The following PRPF38B variants were observed in gnomAD, a reference collection of about 807,000 sequenced individuals.
The protein encoded by PRPF38B is pre-mRNA-splicing factor 38B.
PRPF38B carries 18 observed loss-of-function variants against 67.2 expected under a neutral mutation model. The observed-to-expected ratio is 0.27, with a 90% CI of 0.19 to 0.40. The LOEUF is 0.40. Among genes scored for constraint, PRPF38B ranks in the 10% least tolerant of loss-of-function variants. The pLI is 1.00. For missense variants in PRPF38B, 544 were observed against 684.9 expected (o/e 0.79, Z 2.30); for synonymous variants, 246 against 234.2 (o/e 1.05, Z -0.46).
chr1:108,699,930 CCAGT>C lies in PRPF38B; in HGVS notation c.1555_1558del (p.Ser519ThrfsTer11). The C allele has an allele frequency of 6.2e-7, 1 of 1,613,974 alleles. No individual in the cohort carries two copies. Among genetic ancestry groups the C allele is most frequent in the Non-Finnish European group, 8.5e-7 (1 of 1,179,994 alleles). ...AACGAGATCACAGTGATAGTAAGGA[CCAGT>C]CAGACAAACATGATCGTCGAAGGAG... is the stretch of plus-strand genomic sequence containing the variant. On this transcript the variant is annotated frameshift_variant, in exon 6 of 6. Transcript: ENST00000370025. LOFTEE classifies it high-confidence loss of function.
In PRPF38B at chr1:108,692,484, C is replaced by T. The variant is rs936215570; in HGVS notation, c.-108C>T. 2 of 1,315,434 alleles carry T rather than the reference C, an allele frequency of 1.5e-6. No individual in the cohort carries two copies. The highest frequency in any genetic ancestry group is 1.0e-6 in the Non-Finnish European group (1 of 990,418). 81.5% of individuals were successfully genotyped at this position (1,315,434 alleles called of 1,614,324 possible). A position where few individuals can be genotyped will look rare whatever the true frequency, so the allele number is the denominator to read the frequency against. ...GGGGCACAGCGAGGCGGCCCCTTCT[C>T]CCGACGACGTTCGATGGAGTAGGGT... On this transcript the variant is annotated 5_prime_UTR_variant, in exon 1 of 6. Transcript: ENST00000370025.
At chr1:108,696,906 T>TA (rs1255233222) in intron 4 of PRPF38B, 2 of 533,932 alleles carry the variant, frequency 3.7e-6, no homozygotes, top group African/African-American at 4.0e-5. Context: ...CACACACCTT[T>TA]AAAAAAGAAA....
rs1336416500 is a variant in PRPF38B, at chr1:108,699,819, CAG to C, written c.1441_1442del (p.Ser481CysfsTer2). ...GAAGTGGCAGTCAAGGAAGAACTGA[CAG>C]TGTTGAAAAATCAAAAAAACGGGAA... ...SRSGSQGRTD[S>X]VEKSKKREHS... On this transcript the variant is annotated frameshift_variant, in exon 6 of 6. Coordinates refer to ENST00000370025, the MANE Select transcript of PRPF38B (RefSeq NM_018061.4). LOFTEE classifies it high-confidence loss of function. The C allele has an allele frequency of 6.2e-7, 1 of 1,612,968 alleles. No homozygotes were observed. Among genetic ancestry groups the C allele is most frequent in the Non-Finnish European group, 8.5e-7 (1 of 1,179,792 alleles).
rs1233813786 is a variant in PRPF38B, at chr1:108,699,923, G to T, written c.1544G>T (p.Ser515Ile). ...TCCCACAAACGAGATCACAGTGATAGTAAGGACCAGTCAGACAAACATGAT... is the reference window on the plus strand; with the variant it reads ...TCCCACAAACGAGATCACAGTGATATTAAGGACCAGTCAGACAAACATGAT... ...ERSHKRDHSD[S>I]KDQSDKHDRR... The change falls in exon 6 of 6, where the codon AGT (serine) becomes ATT (isoleucine). Residue 515 changes from serine to isoleucine, a missense_variant. Coordinates refer to ENST00000370025, the MANE Select transcript of PRPF38B (RefSeq NM_018061.4). 2 of 1,614,044 alleles carry T rather than the reference G, an allele frequency of 1.2e-6. No homozygotes were observed. Among genetic ancestry groups the T allele is most frequent in the Admixed American group, 1.7e-5 (1 of 59,984 alleles).
At chr1:108,698,408 G>A in intron 4 of PRPF38B, 196 bp from the exon 5 acceptor site, 2 of 483,944 alleles carry the variant, frequency 4.1e-6, no homozygotes, top group East Asian at 3.1e-5. Context: ...GAGGCTGCAG[G>A]GTTTGTTCTC....
chr1:108,693,817 G>A (rs1371520882), intron 1 of PRPF38B, among the ~76,000 whole-genome samples: 1 of 152,052 alleles, frequency 6.6e-6, no homozygotes, highest in East Asian at 1.9e-4. Flanking sequence ...CCAGGCCTCC[G>A]AAAGTTAATT....
chr1:108,701,875 A>G lies in PRPF38B; in HGVS notation c.*1855A>G, dbSNP rs1047148832. The stretch of plus-strand genomic sequence containing the variant: ...TGAGCATCAAGTGAATTAGTGCTAT[A>G]GACACCCAGAAGTTAGAAAAACCTA... On this transcript the variant is annotated 3_prime_UTR_variant, in exon 6 of 6. Transcript: ENST00000370025. 3.9e-5 allele frequency: 6 copies of G among 152,350 alleles called. No homozygotes were observed. The Middle Eastern group carries it at 0.014, about 345-fold the overall frequency. 9.4% of individuals were successfully genotyped at this position (152,350 alleles called of 1,614,324 possible).
Position 108,699,783 on chromosome 1 carries a change from T to A in PRPF38B, c.1404T>A (p.Asn468Lys). 1 of 1,612,798 alleles carries A rather than the reference T, an allele frequency of 6.2e-7. No individual in the cohort carries two copies. The highest frequency in any genetic ancestry group is 2.2e-5 in the East Asian group (1 of 44,852). The change falls in exon 6 of 6, where the codon AAT becomes AAA. Residue 468 changes from asparagine (N) to lysine (K), a missense_variant. By Grantham distance (94) the Asn-to-Lys change is moderately conservative. This residue lies in a region of PRPF38B where 387 missense variants were observed against 386.1 expected (regional missense o/e 1.00). Coordinates refer to ENST00000370025, the MANE Select transcript of PRPF38B (RefSeq NM_018061.4). ...KHKNESKEKSNKRSRSGSQGR... is the reference protein window; with the variant it reads ...KHKNESKEKSKKRSRSGSQGR... ...AAAATGAAAGTAAAGAAAAATCAAA[T>A]AAACGAAGTCGAAGTGGCAGTCAAG... is the stretch of plus-strand genomic sequence containing the variant.
At chr1:108,695,828 T>A in intron 2 of PRPF38B, 58 bp downstream of exon 2, 1 of 1,564,934 alleles carries the variant, frequency 6.4e-7, no homozygotes, top group Non-Finnish European at 8.8e-7. Flanking sequence ...AAGTTTATAT[T>A]TAGAGAACTA....
Position 108,701,448 on chromosome 1 carries a change from G to A in PRPF38B, c.*1428G>A, listed in dbSNP as rs79821082. On this transcript the variant is annotated 3_prime_UTR_variant, in exon 6 of 6. Transcript: ENST00000370025. ...GATTACTTTGTTCCATGTCAAAGAC[G>A]TTTATTGGGATACCTTTTACTTGGA... 1 of 152,140 alleles carries A rather than the reference G, an allele frequency of 6.6e-6. No individual in the cohort carries two copies. Among genetic ancestry groups the A allele is most frequent in the African/African-American group, 2.4e-5 (1 of 41,408 alleles). The allele number at this position is 152,140 out of a possible 1,614,324, so 9.4% of individuals were successfully genotyped here. A position where few individuals can be genotyped will look rare whatever the true frequency, so the allele number is the denominator to read the frequency against.
Position 108,698,587 on chromosome 1 carries a change from CTT to C in PRPF38B, c.559-14_559-13del, listed in dbSNP as rs1324425470. On this transcript the variant is annotated splice_polypyrimidine_tract_variant and intron_variant, in intron 4 of 5. Coordinates refer to ENST00000370025, the MANE Select transcript of PRPF38B (RefSeq NM_018061.4). ...ATACTTTTTTTGACGGCTAGGGTAT[CTT>C]TTGTGTTTCTGTAGGACCTAGATGT... The C allele has an allele frequency of 4.5e-6, 7 of 1,546,092 alleles. No individual in the cohort carries two copies. The highest frequency in any genetic ancestry group is 6.2e-6 in the Non-Finnish European group (7 of 1,127,588).
chr1:108,693,755 T>G (rs1403596487), intron 1 of PRPF38B: 1 of 466,434 alleles, frequency 2.1e-6, no homozygotes, highest in Non-Finnish European at 2.8e-6. Context: ...CTTCACCAAT[T>G]AGGTAGGCTT....
chr1:108,700,237 G>T lies in PRPF38B; in HGVS notation c.*217G>T. 1 of 729,360 alleles carries T rather than the reference G, an allele frequency of 1.4e-6. No individual in the cohort carries two copies. Among genetic ancestry groups the T allele is most frequent in the African/African-American group, 1.8e-5 (1 of 55,470 alleles). 45.2% of individuals were successfully genotyped at this position (729,360 alleles called of 1,614,324 possible). On this transcript the variant is annotated 3_prime_UTR_variant, in exon 6 of 6. Transcript: ENST00000370025. Reference sequence around the variant, plus strand: ...AAGTTTGATACATGATGCACAGATTGTTCTTGCATTTTTATTGTTTGTTTT... The same window carrying T: ...AAGTTTGATACATGATGCACAGATTTTTCTTGCATTTTTATTGTTTGTTTT...
intron 4 of PRPF38B, chr1:108,698,357 CATATTGTTAACTGAGTGAG>C: frequency 2.5e-6 from 1 of 397,780 alleles, no homozygotes; most frequent in South Asian, 5.9e-5. Context: ...GGGGCTTTTT[CATATTGTTAACTGAGTGAG>C]ATCAGTTCCC....
chr1:108,692,482 C>A lies in PRPF38B; in HGVS notation c.-110C>A. The A allele has an allele frequency of 7.7e-7, 1 of 1,297,496 alleles. No homozygotes were observed. Among genetic ancestry groups the A allele is most frequent in the Non-Finnish European group, 1.0e-6 (1 of 974,272 alleles). The allele number at this position is 1,297,496 out of a possible 1,614,324, so 80.4% of individuals were successfully genotyped here. A position where few individuals can be genotyped will look rare whatever the true frequency, so the allele number is the denominator to read the frequency against. ...CTGGGGCACAGCGAGGCGGCCCCTT[C>A]TCCCGACGACGTTCGATGGAGTAGG... On this transcript the variant is annotated 5_prime_UTR_variant, in exon 1 of 6. Coordinates refer to ENST00000370025, the MANE Select transcript of PRPF38B (RefSeq NM_018061.4).
intron 1 of PRPF38B, chr1:108,693,702 C>G: frequency 1.1e-6 from 1 of 906,912 alleles, no homozygotes; most frequent in East Asian, 1.2e-4. Context: ...AAATGAACGA[C>G]TAATTAGATT....
rs1659827239 is a variant in PRPF38B at position 108,695,972 on chromosome 1, A to C, written c.346-71A>C. 5 of 1,483,122 alleles carry C rather than the reference A, an allele frequency of 3.4e-6. No individual in the cohort carries two copies. The East Asian group carries it at 1.1e-4, about 34-fold the overall frequency. 91.9% of individuals were successfully genotyped at this position (1,483,122 alleles called of 1,614,324 possible). On this transcript the variant is annotated intron_variant, in intron 2 of 5. Transcript: ENST00000370025. Reference sequence around the variant, plus strand: ...TTATGGATTGTTATTGATACCTAACAGGATTAATCAATTGGTGTTAAGAGT... The same window carrying C: ...TTATGGATTGTTATTGATACCTAACCGGATTAATCAATTGGTGTTAAGAGT...
intron 1 of PRPF38B, chr1:108,693,548 C>T: frequency 1.1e-6 from 1 of 950,686 alleles, no homozygotes; most frequent in Non-Finnish European, 1.3e-6. Context: ...CACCTGGCGC[C>T]TCCTCACTGC....
At position 108,692,312 on chromosome 1, in the gene PRPF38B, C is replaced by T. The variant is rs756872117; in HGVS notation, c.-280C>T. 4.2e-4 allele frequency: 206 copies of T among 493,618 alleles called. 2 individuals carry two copies. The Middle Eastern group carries it at 9.7e-3, about 23-fold the overall frequency. The allele number at this position is 493,618 out of a possible 1,614,324, so 30.6% of individuals were successfully genotyped here. A position where few individuals can be genotyped will look rare whatever the true frequency, so the allele number is the denominator to read the frequency against. ...GCGTCATATCCGCCGGGCCCGCCATCTTGTTCCCAGGGGCAGTTGGCGGAA... is the reference window on the plus strand; with the variant it reads ...GCGTCATATCCGCCGGGCCCGCCATTTTGTTCCCAGGGGCAGTTGGCGGAA... On this transcript the variant is annotated 5_prime_UTR_variant, in exon 1 of 6. Transcript: ENST00000370025.
Sources: gnomAD v4.1 joint callset for allele counts (sites outside exome capture counted in the v4.1 genomes callset) on GRCh38, gnomAD v4.1.1 for gene constraint, gnomAD v4.1.1 regional missense constraint, MANE v1.5 for transcripts, NCBI Gene and HGNC (gene_info 2026-07-23, HGNC 2026-07-21) for gene names.